The following DLG2 variants were observed in gnomAD, a reference collection of about 807,000 sequenced individuals.
The protein encoded by DLG2 is disks large homolog 2.
DLG2 carries 45 observed loss-of-function variants against 132.5 expected under a neutral mutation model. The observed-to-expected ratio is 0.34, with a 90% CI of 0.27 to 0.44. DLG2 has a LOEUF of 0.44. Ranked by LOEUF, DLG2 falls within the 20% of genes least tolerant of loss-of-function variation. The pLI, the probability that DLG2 is intolerant of heterozygous loss-of-function variation, is 1.00. For missense variants in DLG2, 1,045 were observed against 1,196.9 expected, an observed-to-expected ratio of 0.87 and a Z score of 1.87; for synonymous variants, 424 against 419.6, an observed-to-expected ratio of 1.01 and a Z score of -0.13.
At chr11:85,567,435 T>C (rs562612662) in intron 3 of DLG2, among the ~76,000 whole-genome samples, 1 of 152,304 alleles carries the variant, frequency 6.6e-6, no homozygotes, top group East Asian at 1.9e-4. Context: ...ATGAACAATT[T>C]TGGATTGCTC....
chr11:84,795,784 T>C (rs1003748662), intron 6 of DLG2, among the ~76,000 whole-genome samples: 9 of 152,318 alleles, frequency 5.9e-5, no homozygotes, highest in African/African-American at 2.2e-4. Context: ...TGAGGCTCTA[T>C]GGTTTCTGGC....
chr11:83,872,064 G>A (rs998997218), intron 16 of DLG2, among the ~76,000 whole-genome samples: 8 of 152,230 alleles, frequency 5.3e-5, no homozygotes, highest in African/African-American at 1.9e-4. Context: ...AGGCGTTTGA[G>A]ACCAGCCTGG....
At chr11:84,374,161 C>A (rs957817771) in intron 7 of DLG2, among the ~76,000 whole-genome samples, 16 of 152,110 alleles carry the variant, frequency 1.1e-4, no homozygotes, top group African/African-American at 3.9e-4. Context: ...GGACCCATTC[C>A]TTATAGTCCT....
At chr11:85,485,293 G>A (rs904997504) in intron 3 of DLG2, among the ~76,000 whole-genome samples, 1 of 152,042 alleles carries the variant, frequency 6.6e-6, no homozygotes, top group Non-Finnish European at 1.5e-5. Context: ...CATGGCACAT[G>A]TATACATATG....
At chr11:85,134,752 G>T (rs531998812) in intron 5 of DLG2, among the ~76,000 whole-genome samples, 1 of 151,976 alleles carries the variant, frequency 6.6e-6, no homozygotes, top group Admixed American at 6.6e-5. Flanking sequence ...TAAGTTCATA[G>T]CAAATCAAAT....
At chr11:84,859,989 T>C (rs1410094324) in intron 6 of DLG2, among the ~76,000 whole-genome samples, 1 of 152,134 alleles carries the variant, frequency 6.6e-6, no homozygotes, top group Non-Finnish European at 1.5e-5. Context: ...CCTCACATTA[T>C]TGTTACAACA....
intron 6 of DLG2, among the ~76,000 whole-genome samples, chr11:84,607,053 G>C (rs1399666249): frequency 6.6e-6 from 1 of 152,042 alleles, no homozygotes; most frequent in Non-Finnish European, 1.5e-5. Flanking sequence ...GGGGGCCATA[G>C]AGCTTAATTT....
At chr11:84,395,062 A>T (rs1379544071) in intron 7 of DLG2, among the ~76,000 whole-genome samples, 1 of 152,064 alleles carries the variant, frequency 6.6e-6, no homozygotes, top group East Asian at 1.9e-4. Flanking sequence ...TGAATTCTGG[A>T]TAAATTTTCT....
chr11:84,239,884 TGAA>T (rs2097204434), intron 8 of DLG2, among the ~76,000 whole-genome samples: 1 of 152,218 alleles, frequency 6.6e-6, no homozygotes, highest in African/African-American at 2.4e-5. Context: ...CTTCCGACAT[TGAA>T]GAATACTACT....
At chr11:83,691,072 C>A (rs1006304763) in intron 18 of DLG2, among the ~76,000 whole-genome samples, 1 of 152,168 alleles carries the variant, frequency 6.6e-6, no homozygotes, top group South Asian at 2.1e-4. Flanking sequence ...GACATGTGCA[C>A]GTTGCAGCTT....
intron 6 of DLG2, among the ~76,000 whole-genome samples, chr11:84,622,955 A>G (rs2099616436): frequency 6.6e-6 from 1 of 152,098 alleles, no homozygotes; most frequent in South Asian, 2.1e-4. Flanking sequence ...TCATTGTGCT[A>G]TCCCTTACAT....
At chr11:83,625,622 A>G (rs138131699) in intron 19 of DLG2, among the ~76,000 whole-genome samples, 28 of 152,330 alleles carry the variant, frequency 1.8e-4, no homozygotes, top group African/African-American at 6.5e-4. Context: ...GTTCCCAGGA[A>G]TAGAACGACT....
chr11:85,457,052 G>A (rs1251864703), intron 3 of DLG2, among the ~76,000 whole-genome samples: 2 of 152,108 alleles, frequency 1.3e-5, no homozygotes, highest in Non-Finnish European at 1.5e-5. Flanking sequence ...TACTCTAATT[G>A]TGTGGGAATC....
At chr11:85,295,190 T>C (rs1565283273) in intron 3 of DLG2, among the ~76,000 whole-genome samples, 2 of 152,142 alleles carry the variant, frequency 1.3e-5, no homozygotes, top group Non-Finnish European at 2.9e-5. Context: ...CAATTCTTTT[T>C]ACCTCACAAA....
intron 4 of DLG2, among the ~76,000 whole-genome samples, chr11:85,200,656 C>T (rs143714149): frequency 6.6e-6 from 1 of 152,188 alleles, no homozygotes; most frequent in Non-Finnish European, 1.5e-5. Flanking sequence ...TGGAGGTGGT[C>T]CAGTCTCAGC....
chr11:84,538,767 G>T (rs1263007073), intron 6 of DLG2, among the ~76,000 whole-genome samples: 1 of 152,114 alleles, frequency 6.6e-6, no homozygotes, highest in Non-Finnish European at 1.5e-5. Flanking sequence ...AGACAATAGG[G>T]AGTCATCCAA....
At chr11:85,472,940 A>T (rs529284181) in intron 3 of DLG2, among the ~76,000 whole-genome samples, 1 of 152,370 alleles carries the variant, frequency 6.6e-6, no homozygotes, top group South Asian at 2.1e-4. Context: ...CTGGGAGCCC[A>T]GACCTCAGGG....
intron 17 of DLG2, among the ~76,000 whole-genome samples, chr11:83,809,318 G>A (rs1257892141): frequency 6.6e-6 from 1 of 152,130 alleles, no homozygotes; most frequent in Non-Finnish European, 1.5e-5. Flanking sequence ...AATTATCTGT[G>A]CTAGCATTTG....
chr11:85,028,581 G>A (rs1306121598), intron 6 of DLG2, among the ~76,000 whole-genome samples: 1 of 152,184 alleles, frequency 6.6e-6, no homozygotes, highest in Non-Finnish European at 1.5e-5. Flanking sequence ...GGCTGAGGGG[G>A]CAGAGGGCTG....
Sources: allele counts gnomAD v4.1 joint callset (sites outside exome capture counted in the v4.1 genomes callset), GRCh38; gene constraint gnomAD v4.1.1; transcripts MANE v1.5; gene names NCBI Gene and HGNC (gene_info 2026-07-23, HGNC 2026-07-21).